Variants in SDE2 observed in about 807,000 individuals in gnomAD.
SDE2 encodes the protein spliceosome associated SDE2.
A neutral mutation model predicts 46.9 loss-of-function variants in SDE2; 31 were observed. That is an observed-to-expected ratio of 0.66 (90% confidence interval 0.50 to 0.89). SDE2 has a LOEUF of 0.89. Among genes scored for constraint, SDE2 ranks in the 40% least tolerant of loss-of-function variants. SDE2 has a pLI of 0.00. For synonymous variants in SDE2, 205 were observed against 204.3 expected, an observed-to-expected ratio of 1.00 and a Z score of -0.03; for missense variants, 542 against 564.4, an observed-to-expected ratio of 0.96 and a Z score of 0.40.
chr1:225,999,148 C>T, intron 1 of SDE2, 45 bp downstream of exon 1: 1 of 1,540,062 alleles, frequency 6.5e-7, no homozygotes, highest in African/African-American at 1.4e-5. Context: ...AGCGCTGCCA[C>T]CTGTCTGCCT....
At chr1:225,985,659 A>C (rs1656253745) in intron 6 of SDE2, 136 bp from the exon 7 acceptor site, 2 of 627,264 alleles carry the variant, frequency 3.2e-6, no homozygotes, top group Admixed American at 5.7e-5. Flanking sequence ...ATCATCATCC[A>C]TCCACATGTT....
At chr1:225,994,185 TC>T (rs1432852882) in intron 2 of SDE2, among the ~76,000 whole-genome samples, 3 of 152,066 alleles carry the variant, frequency 2.0e-5, no homozygotes, top group Non-Finnish European at 4.4e-5. Flanking sequence ...CAAGTGATTC[TC>T]CTGCCTCAGC....
chr1:225,990,737 T>C (rs906718069), intron 5 of SDE2, among the ~76,000 whole-genome samples: 2 of 152,312 alleles, frequency 1.3e-5, no homozygotes, highest in Middle Eastern at 6.8e-3. Context: ...TTTCAAGAAC[T>C]TGGCCCAAGG....
At chr1:225,997,027 T>C (rs567755718) in intron 1 of SDE2, among the ~76,000 whole-genome samples, 80 of 152,342 alleles carry the variant, frequency 5.3e-4, no homozygotes, top group Non-Finnish European at 8.8e-4. Flanking sequence ...TTCTTATATA[T>C]TCTATGGTTT....
At chr1:225,987,753 A>G in intron 6 of SDE2, 143 bp downstream of exon 6, 1 of 816,352 alleles carries the variant, frequency 1.2e-6, no homozygotes, top group Non-Finnish European at 1.9e-6. Flanking sequence ...GAATAAGGCA[A>G]GCTTCACCAT....
intron 4 of SDE2, among the ~76,000 whole-genome samples, chr1:225,992,074 G>T (rs1656412993): frequency 6.6e-6 from 1 of 152,118 alleles, no homozygotes; most frequent in Non-Finnish European, 1.5e-5. Flanking sequence ...AGCTACTCTG[G>T]AGGCTAAGGC....
rs374097572 is a variant in SDE2 at position 225,992,407 on chromosome 1, C to A, written c.511G>T (p.Val171Phe). ...HEMAERLEDS[V>F]LKGMQAASSK... ...GAATCCTCATTCTCACCTTTGAGGACGGAATCCTCCAGACGCTCAGCCATC... is the reference window on the plus strand; with the variant it reads ...GAATCCTCATTCTCACCTTTGAGGAAGGAATCCTCCAGACGCTCAGCCATC... Residue 171 changes from valine (V) to phenylalanine (F), a missense_variant, in exon 4 of 7, where the codon GTC (valine) becomes TTC (phenylalanine). By Grantham distance (50) the Val-to-Phe change is conservative. This residue lies in a region of SDE2 where 401 missense variants were observed against 437.8 expected (regional missense o/e 0.92). Transcript: ENST00000272091. The A allele has an allele frequency of 6.2e-7, 1 of 1,612,912 alleles. No individual in the cohort carries two copies. The highest frequency in any genetic ancestry group is 8.5e-7 in the Non-Finnish European group (1 of 1,179,630).
rs1410392958 is a variant in SDE2, at chr1:225,983,336, G to T, written c.*1966C>A. The T allele has an allele frequency of 6.6e-6, 1 of 152,174 alleles. No homozygotes were observed. Among genetic ancestry groups the T allele is most frequent in the Non-Finnish European group, 1.5e-5 (1 of 68,036 alleles). The allele number at this position is 152,174 out of a possible 1,614,324, so 9.4% of individuals were successfully genotyped here. On this transcript the variant is annotated 3_prime_UTR_variant, in exon 7 of 7. Coordinates refer to ENST00000272091, the MANE Select transcript of SDE2 (RefSeq NM_152608.4). ...AATGATAAAATGGTCAATACATTAG[G>T]AAGACATAAGTTATTAGAGCTTCAT...
rs147583559 is a variant in SDE2, at chr1:225,989,055, T to A, written c.642-667A>T. Among the ~76,000 whole-genome samples, 81 of 152,134 alleles carry A rather than the reference T, an allele frequency of 5.3e-4. 1 individual carries two copies. Among genetic ancestry groups the A allele is most frequent in the Non-Finnish European group, 1.1e-3 (73 of 68,000 alleles). ...GGCTCATGCCTGTAATCCCAGCACA[T>A]TGGGAGGCCGAGGTGGGTGGATCAC... is the stretch of plus-strand genomic sequence containing the variant. On this transcript the variant is annotated intron_variant, in intron 5 of 6. Transcript: ENST00000272091.
At chr1:225,987,257 T>G (rs111810998) in intron 6 of SDE2, among the ~76,000 whole-genome samples, 1 of 152,128 alleles carries the variant, frequency 6.6e-6, no homozygotes, top group African/African-American at 2.4e-5. Context: ...TTCACCATGC[T>G]GGCCAGGCTG....
In SDE2 at chr1:225,984,254, A is replaced by G. The variant is rs541055511; in HGVS notation, c.*1048T>C. 1 of 149,906 alleles carries G rather than the reference A, an allele frequency of 6.7e-6. No homozygotes were observed. The highest frequency in any genetic ancestry group is 2.4e-5 in the African/African-American group (1 of 40,890). The allele number at this position is 149,906 out of a possible 1,614,324, so 9.3% of individuals were successfully genotyped here. A position where few individuals can be genotyped will look rare whatever the true frequency, so the allele number is the denominator to read the frequency against. On this transcript the variant is annotated 3_prime_UTR_variant, in exon 7 of 7. Coordinates refer to ENST00000272091, the MANE Select transcript of SDE2 (RefSeq NM_152608.4). ...AAAAGCGAAATTCCATCTCAAAAAG[A>G]AAAAAAAAAGAAAATTAGAACTGAA...
intron 4 of SDE2, 64 bp downstream of exon 4, chr1:225,992,334 G>A: frequency 8.3e-7 from 1 of 1,205,652 alleles, no homozygotes. Context: ...GCGTAGTGTA[G>A]AGCAGTCTGA....
Position 225,985,421 on chromosome 1 carries a change from G to C in SDE2, c.1237C>G (p.Leu413Val). The change falls in exon 7 of 7, where the codon CTG becomes GTG. Residue 413 changes from leucine to valine, a missense_variant. Coordinates refer to ENST00000272091, the MANE Select transcript of SDE2 (RefSeq NM_152608.4). ...KLKCELMALG[L>V]KCGGTLQERA... The stretch of plus-strand genomic sequence containing the variant: ...TCCTGCAGAGTGCCCCCACATTTCA[G>C]TCCAAGGGCCATCAGTTCACATTTG... 1 of 1,614,124 alleles carries C rather than the reference G, an allele frequency of 6.2e-7. No individual in the cohort carries two copies. Among genetic ancestry groups the C allele is most frequent in the Non-Finnish European group, 8.5e-7 (1 of 1,179,972 alleles).
Position 225,993,935 on chromosome 1 carries a change from A to AT in SDE2, c.239-934dup, listed in dbSNP as rs869088652. Among the ~76,000 whole-genome samples the AT allele has an allele frequency of 7.9e-3, 77 of 9,696 alleles. No homozygotes were observed. The Middle Eastern group carries it at 0.1, about 13-fold the overall frequency. The allele number at this position is 9,696 out of a possible 152,430, so 6.4% of individuals were successfully genotyped here. A position where few individuals can be genotyped will look rare whatever the true frequency, so the allele number is the denominator to read the frequency against. On this transcript the variant is annotated intron_variant, in intron 2 of 6. Transcript: ENST00000272091. ...CAGGCGTGTACCGATGCAGCTAGCTATTTTTTTTTTTTTGTAGAGACCAAG... is the reference window on the plus strand; with the variant it reads ...CAGGCGTGTACCGATGCAGCTAGCTATTTTTTTTTTTTTTGTAGAGACCAAG...
chr1:225,998,933 T>C (rs1471046199), intron 1 of SDE2, among the ~76,000 whole-genome samples: 1 of 152,010 alleles, frequency 6.6e-6, no homozygotes, highest in African/African-American at 2.4e-5. Flanking sequence ...AACAAAGTAT[T>C]TGTAACTGTG....
chr1:225,992,546 T>C lies in SDE2; in HGVS notation c.372A>G (p.Gln124=). The C allele has an allele frequency of 1.2e-6, 2 of 1,609,096 alleles. No homozygotes were observed. The highest frequency in any genetic ancestry group is 1.7e-6 in the Non-Finnish European group (2 of 1,179,276). Reference sequence around the variant, plus strand: ...CCTTTTCAGCCTCTCGCTCGGCTTGTTGTTTTACCCATTCAGCCATTCTGG... The same window carrying C: ...CCTTTTCAGCCTCTCGCTCGGCTTGCTGTTTTACCCATTCAGCCATTCTGG... ...HEKAMAEWVK[Q]QAEREAEKEQ... The change falls in exon 4 of 7, where the codon CAA becomes CAG. Residue 124 remains glutamine, a synonymous_variant. Coordinates refer to ENST00000272091, the MANE Select transcript of SDE2 (RefSeq NM_152608.4).
rs1013596921 is a variant in SDE2, at chr1:225,982,927, C to A, written c.*2375G>T. The A allele has an allele frequency of 1.3e-5, 2 of 151,808 alleles. No homozygotes were observed. The highest frequency in any genetic ancestry group is 4.8e-5 in the African/African-American group (2 of 41,336). The allele number at this position is 151,808 out of a possible 1,614,324, so 9.4% of individuals were successfully genotyped here. Reference sequence around the variant, plus strand: ...AAGTGGCACATCAACTCTAGGTAGACTGAAAAATTAAGAATGTATATTGTA... The same window carrying A: ...AAGTGGCACATCAACTCTAGGTAGAATGAAAAATTAAGAATGTATATTGTA... On this transcript the variant is annotated 3_prime_UTR_variant, in exon 7 of 7. Transcript: ENST00000272091.
intron 5 of SDE2, 21 bp from the exon 6 acceptor site, chr1:225,988,409 G>A: frequency 1.9e-6 from 3 of 1,611,196 alleles, no homozygotes; most frequent in Non-Finnish European, 2.5e-6. Flanking sequence ...CAACAGAAAG[G>A]TTTAACAGCG....
intron 1 of SDE2, 77 bp from the exon 2 acceptor site, chr1:225,995,460 C>T: frequency 1.3e-6 from 1 of 743,988 alleles, no homozygotes; most frequent in Non-Finnish European, 2.4e-6. Context: ...ACCTAGCTGT[C>T]TTTTTATTAC....
Sources: gnomAD v4.1 joint callset for allele counts (sites outside exome capture counted in the v4.1 genomes callset) on GRCh38, gnomAD v4.1.1 for gene constraint, gnomAD v4.1.1 regional missense constraint, MANE v1.5 for transcripts, NCBI Gene and HGNC (gene_info 2026-07-23, HGNC 2026-07-21) for gene names.